The following SLC35D4 variants were observed in gnomAD, a reference collection of about 807,000 sequenced individuals.
SLC35D4 encodes solute carrier family 35 member D4, also known as UDP-N-acetylglucosamine transporter SLC35D4.
the SLC35D4 span, chr18:23,258,125 G>A: frequency 1.3e-5 from 2 of 152,378 alleles, no homozygotes; most frequent in South Asian, 4.1e-4. Context: ...CGAGTTCTGA[G>A]TGTTGGATGA....
chr18:23,280,158 C>T, the SLC35D4 span, among the ~76,000 whole-genome samples: 2 of 152,262 alleles, frequency 1.3e-5, no homozygotes, highest in African/African-American at 2.4e-5. Context: ...GCACTGCAGG[C>T]AGCGGGGCTG....
At chr18:23,396,776 G>A in the SLC35D4 span, among the ~76,000 whole-genome samples, 1 of 152,072 alleles carries the variant, frequency 6.6e-6, no homozygotes, top group East Asian at 1.9e-4. Context: ...CTAGAGGAAT[G>A]CCACTCAAAG....
the SLC35D4 span, among the ~76,000 whole-genome samples, chr18:23,345,345 G>C: frequency 6.6e-6 from 1 of 151,830 alleles, no homozygotes; most frequent in Non-Finnish European, 1.5e-5. Flanking sequence ...AGCCGGGCAT[G>C]GTGGTGGGCA....
chr18:23,380,585 T>A, the SLC35D4 span, among the ~76,000 whole-genome samples: 1 of 152,178 alleles, frequency 6.6e-6, no homozygotes, highest in South Asian at 2.1e-4. Context: ...CAACTCTGCG[T>A]TAAGGCTAAG....
chr18:23,413,413 C>G, the SLC35D4 span, among the ~76,000 whole-genome samples: 1 of 152,212 alleles, frequency 6.6e-6, no homozygotes, highest in Non-Finnish European at 1.5e-5. Context: ...GTTTGAAAGG[C>G]CACTGCTCTC....
chr18:23,332,982 C>A, the SLC35D4 span, among the ~76,000 whole-genome samples: 1 of 152,100 alleles, frequency 6.6e-6, no homozygotes, highest in Non-Finnish European at 1.5e-5. Flanking sequence ...ATAGTCTCAT[C>A]TCCACAGCCG....
At chr18:23,256,605 C>A in the SLC35D4 span, among the ~76,000 whole-genome samples, 2 of 152,222 alleles carry the variant, frequency 1.3e-5, no homozygotes, top group Middle Eastern at 6.8e-3. Context: ...TTCAACCTCC[C>A]GAGGAGCTGG....
the SLC35D4 span, chr18:23,370,086 GGC>G: frequency 1.5e-6 from 1 of 666,588 alleles, no homozygotes; most frequent in Non-Finnish European, 2.4e-6. Context: ...GGCTGAGGCA[GGC>G]GAATCGCTTG....
chr18:23,315,662 T>C, the SLC35D4 span, among the ~76,000 whole-genome samples: 5 of 152,228 alleles, frequency 3.3e-5, no homozygotes, highest in Non-Finnish European at 7.3e-5. Context: ...ACCAAGGACT[T>C]GAGAACCACT....
the SLC35D4 span, among the ~76,000 whole-genome samples, chr18:23,392,495 G>T: frequency 6.6e-6 from 1 of 152,188 alleles, no homozygotes; most frequent in Non-Finnish European, 1.5e-5. Context: ...TTCTTTCCCA[G>T]CCTCCAGTAC....
chr18:23,276,667 T>C, the SLC35D4 span, among the ~76,000 whole-genome samples: 1 of 152,202 alleles, frequency 6.6e-6, no homozygotes, highest in African/African-American at 2.4e-5. Flanking sequence ...ACTTAATTAT[T>C]TTCCAGCTGG....
the SLC35D4 span, among the ~76,000 whole-genome samples, chr18:23,353,076 A>AGTGTGTGTGTGTGTGTGTGTGT: frequency 0.013 from 1,695 of 126,480 alleles, 56 homozygotes; most frequent in East Asian, 0.047. Context: ...TGAGACAGAC[A>AGTGTGTGTGTGTGTGTGTGTGT]GTGTGTGTGT....
the SLC35D4 span, among the ~76,000 whole-genome samples, chr18:23,272,774 C>T: frequency 3.3e-5 from 5 of 152,330 alleles, no homozygotes; most frequent in East Asian, 1.9e-4. Context: ...TCTCCCAACA[C>T]ACGGTTTGAT....
chr18:23,288,832 C>G, the SLC35D4 span, among the ~76,000 whole-genome samples: 1 of 152,164 alleles, frequency 6.6e-6, no homozygotes, highest in Non-Finnish European at 1.5e-5. Flanking sequence ...CTTTATATCC[C>G]TTATGGTCCT....
the SLC35D4 span, among the ~76,000 whole-genome samples, chr18:23,415,903 CTT>C: frequency 6.6e-6 from 1 of 152,122 alleles, no homozygotes; most frequent in Admixed American, 6.5e-5. Context: ...GATATGGCCT[CTT>C]TGCAATATAA....
the SLC35D4 span, among the ~76,000 whole-genome samples, chr18:23,342,773 G>T: frequency 6.6e-6 from 1 of 152,176 alleles, no homozygotes; most frequent in African/African-American, 2.4e-5. Flanking sequence ...TGGGTGCGTG[G>T]TGATATCTCA....
chr18:23,427,000 C>T, the SLC35D4 span, among the ~76,000 whole-genome samples: 789 of 152,286 alleles, frequency 5.2e-3, 4 homozygotes, highest in South Asian at 0.015. Context: ...TTCCTTACAA[C>T]TTATACAAAA....
the SLC35D4 span, among the ~76,000 whole-genome samples, chr18:23,251,117 A>G: frequency 6.6e-6 from 1 of 152,312 alleles, no homozygotes; most frequent in East Asian, 1.9e-4. Context: ...CTTCACATCA[A>G]AATCTGTCAT....
At chr18:23,275,838 G>GA in the SLC35D4 span, among the ~76,000 whole-genome samples, 1 of 152,232 alleles carries the variant, frequency 6.6e-6, no homozygotes, top group South Asian at 2.1e-4. Context: ...AAAGGGCTGA[G>GA]AGACCCAAGA....
Sources: gnomAD v4.1 joint callset for allele counts (sites outside exome capture counted in the v4.1 genomes callset) on GRCh38, gnomAD v4.1.1 for gene constraint, MANE v1.5 for transcripts, NCBI Gene and HGNC (gene_info 2026-07-23, HGNC 2026-07-21) for gene names.